SLC45A1: variants seen among roughly 807,000 people sequenced by gnomAD.
The protein encoded by SLC45A1 is solute carrier family 45 member 1, also known as proton-associated sugar transporter A.
In SLC45A1, 28 loss-of-function variants were observed where a neutral mutation model predicts 57.6. The observed-to-expected ratio is 0.49, with a 90% CI of 0.36 to 0.67. The LOEUF is 0.67. Ranked by LOEUF, SLC45A1 falls within the 30% of genes least tolerant of loss-of-function variation. The pLI, the probability that SLC45A1 is intolerant of heterozygous loss-of-function variation, is 0.00. For synonymous variants in SLC45A1, 459 were observed against 471.5 expected (o/e 0.97, Z 0.34); for missense variants, 814 against 1,041.5 (o/e 0.78, Z 3.01).
At position 8,325,430 on chromosome 1, in the gene SLC45A1, A is replaced by G. The variant is rs1257043528; in HGVS notation, c.490+40A>G. Reference sequence around the variant, plus strand: ...CATGGAAATAAAATGGAGAGGAAAAAAAAAAGGCCCCAACTGCTTCCTTTT... The same window carrying G: ...CATGGAAATAAAATGGAGAGGAAAAGAAAAAGGCCCCAACTGCTTCCTTTT... On this transcript the variant is annotated intron_variant, in intron 3 of 8. Coordinates refer to ENST00000471889, the MANE Select transcript of SLC45A1 (RefSeq NM_001080397.3). The surrounding 1 kb of genome is among the most constrained non-coding windows in gnomAD (Gnocchi z 6.3). The G allele has an allele frequency of 1.4e-6, 2 of 1,413,694 alleles. No individual in the cohort carries two copies. The highest frequency in any genetic ancestry group is 2.3e-5 in the East Asian group (1 of 43,934). The allele number at this position is 1,413,694 out of a possible 1,614,324, so 87.6% of individuals were successfully genotyped here.
chr1:8,343,318 G>A lies in SLC45A1; in HGVS notation c.1981-429G>A, dbSNP rs918144567. ...GAGGCCACGAGGACCTTGGAGCCTC[G>A]GACAGAGGACCAGCGGCTGTCATGT... On this transcript the variant is annotated intron_variant, in intron 8 of 8. Transcript: ENST00000471889. The surrounding 1 kb of genome is among the most constrained non-coding windows in gnomAD (Gnocchi z 7.7). Among the ~76,000 whole-genome samples, 1 of 152,186 alleles carries A rather than the reference G, an allele frequency of 6.6e-6. No homozygotes were observed. The highest frequency in any genetic ancestry group is 1.5e-5 in the Non-Finnish European group (1 of 68,026).
chr1:8,339,425 G>A, intron 7 of SLC45A1, 68 bp from the exon 8 acceptor site: 3 of 1,505,662 alleles, frequency 2.0e-6, no homozygotes, highest in Non-Finnish European at 1.8e-6. Context: ...GCCGGGAGGT[G>A]GCACTGGAAG....
rs539959528 is a variant in SLC45A1 at position 8,338,986 on chromosome 1, G to C, written c.1775-507G>C. ...ACCTCGGGTGTTGGGTTCCCCCATAGCCATGTGGCCTTGGGGCGTGGGGAA... is the reference window on the plus strand; with the variant it reads ...ACCTCGGGTGTTGGGTTCCCCCATACCCATGTGGCCTTGGGGCGTGGGGAA... On this transcript the variant is annotated intron_variant, in intron 7 of 8. Coordinates refer to ENST00000471889, the MANE Select transcript of SLC45A1 (RefSeq NM_001080397.3). Among the ~76,000 whole-genome samples, 6 of 152,300 alleles carry C rather than the reference G, an allele frequency of 3.9e-5. No homozygotes were observed. The East Asian group carries it at 1.2e-3, about 29-fold the overall frequency.
At chr1:8,341,808 T>C (rs944348795) in intron 8 of SLC45A1, among the ~76,000 whole-genome samples, 2 of 151,716 alleles carry the variant, frequency 1.3e-5, no homozygotes, top group African/African-American at 4.9e-5. Flanking sequence ...TAATTCCAGC[T>C]ACTTGGGAGG....
chr1:8,320,166 G>T (rs1639956729), intron 1 of SLC45A1, among the ~76,000 whole-genome samples: 1 of 152,198 alleles, frequency 6.6e-6, no homozygotes, highest in East Asian at 1.9e-4. Context: ...ATTAAGCTAG[G>T]TTTAATTCTG....
chr1:8,342,921 A>AAAAG lies in SLC45A1; in HGVS notation c.1981-814_1981-811dup, dbSNP rs138660173. 4.6e-5 allele frequency among the ~76,000 whole-genome samples: 7 copies of AAAAG among 150,994 alleles called. No individual in the cohort carries two copies. In the East Asian group the frequency reaches 1.2e-3, roughly 25 times the overall value. On this transcript the variant is annotated intron_variant, in intron 8 of 8. Coordinates refer to ENST00000471889, the MANE Select transcript of SLC45A1 (RefSeq NM_001080397.3). ...CTCAAAAAAAAAAAAAAGAAAAGAG[A>AAAAG]AAAGAAAGAAAGAAAAGAAATGTGA...
rs887072641 is a variant in SLC45A1, at chr1:8,335,563, C to T, written c.1570C>T (p.Arg524Cys). ...STICNMPKAL[R>C]TLCVNHFLGW... ...CATCTGCAACATGCCCAAGGCGCTA[C>T]GCACCCTCTGCGTCAACCACTTCCT... The change falls in exon 6 of 9, where the codon CGC becomes TGC. Residue 524 changes from arginine to cysteine, a missense_variant. Physicochemically the swap from Arg to Cys is radical, Grantham distance 180. Coordinates refer to ENST00000471889, the MANE Select transcript of SLC45A1 (RefSeq NM_001080397.3). This position sits in a 1 kb window ranked among gnomAD's most constrained non-coding sequence, Gnocchi z 4.1. 15 of 1,606,030 alleles carry T rather than the reference C, an allele frequency of 9.3e-6. No homozygotes were observed. Among genetic ancestry groups the T allele is most frequent in the East Asian group, 2.2e-5 (1 of 44,704 alleles).
chr1:8,330,304 C>G lies in SLC45A1; in HGVS notation c.811C>G (p.Leu271Val). 1 of 1,613,790 alleles carries G rather than the reference C, an allele frequency of 6.2e-7. No homozygotes were observed. Among genetic ancestry groups the G allele is most frequent in the Non-Finnish European group, 8.5e-7 (1 of 1,180,010 alleles). The change falls in exon 5 of 9, where the codon CTC becomes GTC. Residue 271 changes from leucine (L) to valine (V), a missense_variant. Coordinates refer to ENST00000471889, the MANE Select transcript of SLC45A1 (RefSeq NM_001080397.3). This position sits in a 1 kb window ranked among gnomAD's most constrained non-coding sequence, Gnocchi z 8.4. Reference sequence around the variant, plus strand: ...GGGGGGACAGCTCCGAGTCATTTACCTCTTCACTGCGGTCACCCTGAGCGT... The same window carrying G: ...GGGGGGACAGCTCCGAGTCATTTACGTCTTCACTGCGGTCACCCTGAGCGT... ...ALGGQLRVIYLFTAVTLSVTT... is the reference protein window; with the variant it reads ...ALGGQLRVIYVFTAVTLSVTT...
At position 8,324,457 on chromosome 1, in the gene SLC45A1, CCAA is replaced by C; in HGVS notation, c.133_135del (p.Asn45del). The C allele has an allele frequency of 6.2e-7, 1 of 1,612,826 alleles. No individual in the cohort carries two copies. Among genetic ancestry groups the C allele is most frequent in the Non-Finnish European group, 8.5e-7 (1 of 1,179,974 alleles). The stretch of plus-strand genomic sequence containing the variant: ...GTGACACGACACCTCAGTCACCGGG[CCAA>C]CAACTTCAAACGACACCCCAAGAGG... On this transcript the variant is annotated inframe_deletion, in exon 2 of 9. Coordinates refer to ENST00000471889, the MANE Select transcript of SLC45A1 (RefSeq NM_001080397.3).
chr1:8,343,618 G>A lies in SLC45A1; in HGVS notation c.1981-129G>A. 3 of 907,376 alleles carry A rather than the reference G, an allele frequency of 3.3e-6. No homozygotes were observed. The highest frequency in any genetic ancestry group is 1.7e-5 in the African/African-American group (1 of 60,480). The allele number at this position is 907,376 out of a possible 1,614,324, so 56.2% of individuals were successfully genotyped here. A position where few individuals can be genotyped will look rare whatever the true frequency, so the allele number is the denominator to read the frequency against. On this transcript the variant is annotated intron_variant, in intron 8 of 8. Coordinates refer to ENST00000471889, the MANE Select transcript of SLC45A1 (RefSeq NM_001080397.3). This position sits in a 1 kb window ranked among gnomAD's most constrained non-coding sequence, Gnocchi z 7.7. ...CTTGGCTGAACTCCCTGTGCATGTT[G>A]GCGCTGAAAAATGTGAGGCCGCTGT...
chr1:8,325,486 A>C lies in SLC45A1; in HGVS notation c.490+96A>C. 2.2e-6 allele frequency: 2 copies of C among 897,608 alleles called. No homozygotes were observed. The highest frequency in any genetic ancestry group is 3.5e-6 in the Non-Finnish European group (2 of 568,804). 55.6% of individuals were successfully genotyped at this position (897,608 alleles called of 1,614,324 possible). On this transcript the variant is annotated intron_variant, in intron 3 of 8. Transcript: ENST00000471889. This position sits in a 1 kb window ranked among gnomAD's most constrained non-coding sequence, Gnocchi z 6.3. ...AATTTTAAAAAATGTTGACCAAAGC[A>C]GTTACCCAGATAGCTCTGGGCCCGC...
chr1:8,321,082 A>G (rs985030953), intron 1 of SLC45A1, among the ~76,000 whole-genome samples: 7 of 152,188 alleles, frequency 4.6e-5, no homozygotes, highest in Admixed American at 3.3e-4. Context: ...ATGAAGCTCC[A>G]GGGGATGCTA....
Position 8,330,483 on chromosome 1 carries a change from G to A in SLC45A1, c.990G>A (p.Thr330=), listed in dbSNP as rs565752489. 85 of 1,612,776 alleles carry A rather than the reference G, an allele frequency of 5.3e-5. 1 individual carries two copies. The South Asian group carries it at 5.6e-4, about 11-fold the overall frequency. ...CTGGCGACAGCCTCCCGTCGCACAC[G>A]GCCACCAACTTCTCCAGCCCCATCT... ...EGPGDSLPSH[T]ATNFSSPISP... The change falls in exon 5 of 9, where the codon ACG becomes ACA. Residue 330 remains threonine (T), a synonymous_variant. Transcript: ENST00000471889. This position sits in a 1 kb window ranked among gnomAD's most constrained non-coding sequence, Gnocchi z 8.4.
intron 1 of SLC45A1, among the ~76,000 whole-genome samples, chr1:8,323,831 C>G (rs1436416068): frequency 6.6e-6 from 1 of 152,154 alleles, no homozygotes; most frequent in African/African-American, 2.4e-5. Flanking sequence ...GGAGCTGTCC[C>G]CGCAACGCGA....
At position 8,339,507 on chromosome 1, in the gene SLC45A1, C is replaced by T. The variant is rs1196503914; in HGVS notation, c.1789C>T (p.Leu597=). 2.5e-6 allele frequency: 4 copies of T among 1,614,058 alleles called. No individual in the cohort carries two copies. The South Asian group carries it at 4.4e-5, about 18-fold the overall frequency. ...GTGGCCCGCAGCTATCCTGGAGAAG[C>T]TGGAGGAGTTCCTCAGCGTCCGCAC... ...AAFYSAILEK[L]EEFLSVRTLY... The change falls in exon 8 of 9, where the codon CTG becomes TTG. Residue 597 remains leucine, a synonymous_variant. Transcript: ENST00000471889.
At position 8,343,688 on chromosome 1, in the gene SLC45A1, T is replaced by G; in HGVS notation, c.1981-59T>G. 2.6e-6 allele frequency: 4 copies of G among 1,556,448 alleles called. No individual in the cohort carries two copies. Among genetic ancestry groups the G allele is most frequent in the Non-Finnish European group, 3.5e-6 (4 of 1,147,670 alleles). ...CCTGGGCTCGCAGGACACACCGAGC[T>G]CGGTCACCCCGTGCTGGCCGCGGCG... On this transcript the variant is annotated intron_variant, in intron 8 of 8. Coordinates refer to ENST00000471889, the MANE Select transcript of SLC45A1 (RefSeq NM_001080397.3). This position sits in a 1 kb window ranked among gnomAD's most constrained non-coding sequence, Gnocchi z 7.7.
chr1:8,341,875 G>A (rs557356938), intron 8 of SLC45A1, among the ~76,000 whole-genome samples: 1 of 151,816 alleles, frequency 6.6e-6, no homozygotes, highest in East Asian at 1.9e-4. Context: ...AGCCAAGATT[G>A]CACCACTGCA....
At chr1:8,322,238 G>C (rs1474738436) in intron 1 of SLC45A1, among the ~76,000 whole-genome samples, 2 of 4,146 alleles carry the variant, frequency 4.8e-4, no homozygotes, top group Admixed American at 6.4e-3. Flanking sequence ...TGGGTGGGTG[G>C]GTGGATGGAT....
In SLC45A1 at chr1:8,330,328, G is replaced by A. The variant is rs541507270; in HGVS notation, c.835G>A (p.Val279Ile). 4.0e-5 allele frequency: 64 copies of A among 1,613,504 alleles called. No homozygotes were observed. The highest frequency in any genetic ancestry group is 3.8e-4 in the South Asian group (35 of 91,068). The change falls in exon 5 of 9, where the codon GTC (valine) becomes ATC (isoleucine). Residue 279 changes from valine (V) to isoleucine (I), a missense_variant. Val to Ile is a conservative substitution (Grantham distance 29, BLOSUM62 3). Transcript: ENST00000471889. The surrounding 1 kb of genome is among the most constrained non-coding windows in gnomAD (Gnocchi z 8.4). ...IYLFTAVTLSVTTVLTLVSIP... is the reference protein window; with the variant it reads ...IYLFTAVTLSITTVLTLVSIP... ...CCTCTTCACTGCGGTCACCCTGAGC[G>A]TCACCACCGTCCTGACCCTGGTCAG...
Sources: gnomAD v4.1 joint callset for allele counts (sites outside exome capture counted in the v4.1 genomes callset) on GRCh38, gnomAD v4.1.1 for gene constraint, Gnocchi (gnomAD v3.1) non-coding constraint, MANE v1.5 for transcripts, NCBI Gene and HGNC (gene_info 2026-07-23, HGNC 2026-07-21) for gene names.